CDC25B: variants seen among roughly 807,000 people sequenced by gnomAD.
CDC25B encodes M-phase inducer phosphatase 2.
Under a neutral mutation model 69.8 loss-of-function variants are expected in CDC25B, and 33 were observed. The observed-to-expected ratio is 0.47, with a 90% CI of 0.36 to 0.63. The LOEUF is 0.63. Ranked by LOEUF, CDC25B falls within the 30% of genes least tolerant of loss-of-function variation. The pLI is 0.00. For missense variants in CDC25B, 727 were observed against 809.1 expected, an observed-to-expected ratio of 0.90 and a Z score of 1.23; for synonymous variants, 341 against 314.6, an observed-to-expected ratio of 1.08 and a Z score of -0.89.
rs1460083984 is a variant in CDC25B at position 3,798,597 on chromosome 20, G to A, written c.380+134G>A. ...GGGTGGCTTCAGGATCCCCATGGCC[G>A]GGGGGCTCACTGACTTTCTCAGGCC... is the stretch of plus-strand genomic sequence containing the variant. On this transcript the variant is annotated intron_variant, in intron 3 of 15. Transcript: ENST00000245960. The A allele has an allele frequency of 8.7e-6, 5 of 573,332 alleles. No homozygotes were observed. The East Asian group carries it at 9.2e-5, about 11-fold the overall frequency. 35.5% of individuals were successfully genotyped at this position (573,332 alleles called of 1,614,324 possible).
At chr20:3,794,369 A>G (rs895077665), upstream of CDC25B, among the ~76,000 whole-genome samples, 1 of 141,132 alleles carries the variant, frequency 7.1e-6, no homozygotes, top group Non-Finnish European at 1.5e-5. Flanking sequence ...GCATTTTTTC[A>G]TGTGTTTTTT....
chr20:3,792,186 T>TTAC, upstream of CDC25B, among the ~76,000 whole-genome samples: 1 of 152,326 alleles, frequency 6.6e-6, no homozygotes, highest in Non-Finnish European at 1.5e-5. Context: ...AGTACTGGGA[T>TTAC]TACAGGTGTG....
intron 1 of CDC25B, chr20:3,787,152 T>C (rs767574864): frequency 6.6e-5 from 44 of 661,952 alleles, no homozygotes; most frequent in Non-Finnish European, 1.0e-4. Context: ...AACATTTTGA[T>C]ACATTTCCTT....
At chr20:3,788,221 C>T (rs2088857875) in intron 1 of CDC25B, among the ~76,000 whole-genome samples, 1 of 152,180 alleles carries the variant, frequency 6.6e-6, no homozygotes, top group African/African-American at 2.4e-5. Flanking sequence ...AACCAGGCTA[C>T]TGTGGCATTC....
upstream of CDC25B, chr20:3,795,669 A>T (rs1304903118): frequency 1.9e-5 from 19 of 975,676 alleles, no homozygotes; most frequent in Non-Finnish European, 2.1e-5. Flanking sequence ...GAAAGAGCCC[A>T]TCAGTTCCGC....
chr20:3,788,259 C>G (rs1028485093), intron 1 of CDC25B, among the ~76,000 whole-genome samples: 1 of 152,198 alleles, frequency 6.6e-6, no homozygotes, highest in Non-Finnish European at 1.5e-5. Flanking sequence ...AAGTGTAACT[C>G]ACTGCTGTTT....
chr20:3,805,831 A>G lies in CDC25B; in HGVS notation c.*870A>G, dbSNP rs935389502. The G allele has an allele frequency of 1.7e-5, 7 of 406,010 alleles. No individual in the cohort carries two copies. The highest frequency in any genetic ancestry group is 6.2e-4 in the Middle Eastern group (1 of 1,622). 25.2% of individuals were successfully genotyped at this position (406,010 alleles called of 1,614,324 possible). ...TGGATGGATGGGTGGATGGCCGTGG[A>G]TGGCCGTGGATGCGCAGTGCCTTGC... On this transcript the variant is annotated 3_prime_UTR_variant, in exon 16 of 16. Coordinates refer to ENST00000245960, the MANE Select transcript of CDC25B (RefSeq NM_021873.4).
At chr20:3,801,650 A>G in intron 8 of CDC25B, 72 bp from the exon 9 acceptor site, 1 of 1,291,252 alleles carries the variant, frequency 7.7e-7, no homozygotes, top group Non-Finnish European at 1.1e-6. Flanking sequence ...GCTGTGCTGG[A>G]GGATTCCGGG....
upstream of CDC25B, chr20:3,795,722 C>T (rs1297425054): frequency 2.0e-6 from 2 of 985,416 alleles, no homozygotes; most frequent in East Asian, 1.1e-4. Context: ...CTGGGCGCTT[C>T]TCCTGCGAAT....
chr20:3,791,713 C>A (rs111338374), upstream of CDC25B, among the ~76,000 whole-genome samples: 1,517 of 152,120 alleles, frequency 1.0e-2, 23 homozygotes, highest in African/African-American at 0.034. Context: ...AAATGCTGTG[C>A]CTCCCATCAG....
rs550851634 is a variant in CDC25B, at chr20:3,800,511, G to A, written c.459+13G>A. ...CCAGTCTATGCCGGTGAGTGTCTTC[G>A]AGGCCTGACTGAGGCTTAGGCATGC... On this transcript the variant is annotated intron_variant, in intron 5 of 15. Coordinates refer to ENST00000245960, the MANE Select transcript of CDC25B (RefSeq NM_021873.4). 3 of 1,613,948 alleles carry A rather than the reference G, an allele frequency of 1.9e-6. No individual in the cohort carries two copies. The highest frequency in any genetic ancestry group is 1.3e-5 in the African/African-American group (1 of 75,038).
Position 3,805,202 on chromosome 20 carries a change from A to C in CDC25B, c.*241A>C, listed in dbSNP as rs55732615. On this transcript the variant is annotated 3_prime_UTR_variant, in exon 16 of 16. Coordinates refer to ENST00000245960, the MANE Select transcript of CDC25B (RefSeq NM_021873.4). ...CTGTTGAGTTAGTTAAGTTGGGTTA[A>C]TACCAGCTTAAAGGCAGTATTTTGT... 138 of 553,578 alleles carry C rather than the reference A, an allele frequency of 2.5e-4. 1 individual carries two copies. Among genetic ancestry groups the C allele is most frequent in the African/African-American group, 2.4e-3 (128 of 53,338 alleles). 34.3% of individuals were successfully genotyped at this position (553,578 alleles called of 1,614,324 possible).
chr20:3,792,964 G>A (rs2088939667), upstream of CDC25B, among the ~76,000 whole-genome samples: 1 of 152,184 alleles, frequency 6.6e-6, no homozygotes, highest in South Asian at 2.1e-4. Flanking sequence ...TTTAAATGTT[G>A]CAAGTACAAA....
chr20:3,800,216 G>GGAGACCTGGTGCTAGGGACTC, intron 3 of CDC25B, 72 bp from the exon 4 acceptor site: 1 of 1,468,918 alleles, frequency 6.8e-7, no homozygotes, highest in South Asian at 1.1e-5. Context: ...CCCCTGGACT[G>GGAGACCTGGTGCTAGGGACTC]GGGGCCTGGT....
rs745348195 is a variant in CDC25B, at chr20:3,802,899, G to A, written c.1195-11G>A. The A allele has an allele frequency of 2.0e-5, 33 of 1,611,094 alleles. No homozygotes were observed. Among genetic ancestry groups the A allele is most frequent in the South Asian group, 3.3e-5 (3 of 91,006 alleles). On this transcript the variant is annotated splice_polypyrimidine_tract_variant and intron_variant, in intron 11 of 15. Transcript: ENST00000245960. Reference sequence around the variant, plus strand: ...TTCTCCCCTCTCCCTCATCCCTTCCGTTCCCTTCAGGCCTTCCTCCTACAG... The same window carrying A: ...TTCTCCCCTCTCCCTCATCCCTTCCATTCCCTTCAGGCCTTCCTCCTACAG...
At position 3,805,781 on chromosome 20, in the gene CDC25B, G is replaced by A; in HGVS notation, c.*820G>A. 2.5e-6 allele frequency: 1 copy of A among 406,116 alleles called. No homozygotes were observed. The highest frequency in any genetic ancestry group is 4.4e-6 in the Non-Finnish European group (1 of 228,194). The allele number at this position is 406,116 out of a possible 1,614,324, so 25.2% of individuals were successfully genotyped here. ...GCCTGACTGCTCAGAACTTGCTGCT[G>A]TCTTGTTGCGGATGGATGGAAGGTT... On this transcript the variant is annotated 3_prime_UTR_variant, in exon 16 of 16. Coordinates refer to ENST00000245960, the MANE Select transcript of CDC25B (RefSeq NM_021873.4).
exon 1 of CDC25B, chr20:3,787,076 TG>T: frequency 3.3e-6 from 2 of 607,192 alleles, no homozygotes; most frequent in East Asian, 3.0e-5. Flanking sequence ...CTTTTTTTTT[TG>T]CGGAACCTGA....
upstream of CDC25B, chr20:3,796,035 C>G (rs1311387696): frequency 1.7e-5 from 17 of 996,758 alleles, no homozygotes; most frequent in Admixed American, 6.1e-5. Context: ...GGCGTTGCTG[C>G]TGCCTTTGGG....
chr20:3,797,157 C>T (rs765396945), intron 1 of CDC25B, among the ~76,000 whole-genome samples: 47 of 152,178 alleles, frequency 3.1e-4, no homozygotes, highest in Admixed American at 2.6e-3. Flanking sequence ...CAGTTCTGCC[C>T]CCAGAATTAA....
Sources: allele counts gnomAD v4.1 joint callset (sites outside exome capture counted in the v4.1 genomes callset), GRCh38; gene constraint gnomAD v4.1.1; transcripts MANE v1.5; gene names NCBI Gene and HGNC (gene_info 2026-07-23, HGNC 2026-07-21).